Variants in TSNARE1 observed in about 807,000 individuals in gnomAD.
The protein encoded by TSNARE1 is t-SNARE domain-containing protein 1.
In TSNARE1, 49 loss-of-function variants were observed where a neutral mutation model predicts 62.0. The observed-to-expected ratio is 0.79, with a 90% CI of 0.63 to 1.00. The LOEUF (loss-of-function observed/expected upper bound fraction) is 1.00. TSNARE1 is among the 50% of genes least tolerant of loss of function. TSNARE1 has a pLI of 0.00. For missense variants in TSNARE1, 755 were observed against 700.1 expected (o/e 1.08, Z -0.88); for synonymous variants, 328 against 294.4 (o/e 1.11, Z -1.17).
intron 11 of TSNARE1, among the ~76,000 whole-genome samples, chr8:142,279,049 G>T (rs773804624): frequency 2.6e-5 from 4 of 152,246 alleles, no homozygotes; most frequent in African/African-American, 4.8e-5. Flanking sequence ...GCCTTCTCAT[G>T]GTAGCTGTAC....
chr8:142,241,818 C>T (rs1419425422), intron 12 of TSNARE1, among the ~76,000 whole-genome samples: 6 of 150,626 alleles, frequency 4.0e-5, no homozygotes, highest in East Asian at 3.9e-4. Context: ...AGAGTAAAAA[C>T]GGATCTCCAT....
intron 13 of TSNARE1, among the ~76,000 whole-genome samples, chr8:142,213,668 C>G (rs992379235): frequency 2.0e-5 from 3 of 152,128 alleles, no homozygotes; most frequent in Non-Finnish European, 4.4e-5. Flanking sequence ...CCCCTCAGGA[C>G]TTGGTGGCAC....
At chr8:142,387,021 C>T (rs1457081374) in intron 1 of TSNARE1, among the ~76,000 whole-genome samples, 1 of 152,168 alleles carries the variant, frequency 6.6e-6, no homozygotes, top group African/African-American at 2.4e-5. Context: ...TCTTTTCCAG[C>T]CTCAGTGGAA....
At chr8:142,274,475 G>A (rs1820096778) in intron 12 of TSNARE1, 1 of 985,498 alleles carries the variant, frequency 1.0e-6, no homozygotes, top group Non-Finnish European at 1.2e-6. Context: ...AGGAGGTGGA[G>A]CGGGAAGGCC....
chr8:142,301,159 C>A (rs1825695954), intron 9 of TSNARE1, among the ~76,000 whole-genome samples: 1 of 149,724 alleles, frequency 6.7e-6, no homozygotes, highest in Non-Finnish European at 1.5e-5. Flanking sequence ...CACAGTGCCC[C>A]CCACTTGCCC....
At chr8:142,371,199 T>C (rs1204932242) in intron 1 of TSNARE1, among the ~76,000 whole-genome samples, 1 of 152,212 alleles carries the variant, frequency 6.6e-6, no homozygotes, top group African/African-American at 2.4e-5. Flanking sequence ...CACATTGAAC[T>C]GATAGTTAAA....
At chr8:142,384,429 C>T (rs11990697) in intron 1 of TSNARE1, among the ~76,000 whole-genome samples, 30,668 of 152,146 alleles carry the variant, frequency 0.2, 3,206 homozygotes, top group East Asian at 0.28. Context: ...TTTCAAAACA[C>T]GCTACAAAGC....
chr8:142,364,230 T>C (rs1835372076), intron 1 of TSNARE1, among the ~76,000 whole-genome samples: 3 of 152,074 alleles, frequency 2.0e-5, no homozygotes, highest in South Asian at 4.1e-4. Context: ...TGCTGGACCA[T>C]GAGCTACGGA....
chr8:142,350,069 CCA>C lies in TSNARE1; in HGVS notation c.89-4179_89-4178del, dbSNP rs1563967584. Among the ~76,000 whole-genome samples the C allele has an allele frequency of 2.9e-3, 222 of 77,496 alleles. 4 individuals are homozygous for C. The highest frequency in any genetic ancestry group is 0.017 in the African/African-American group (201 of 11,620). 50.8% of individuals were successfully genotyped at this position (77,496 alleles called of 152,430 possible). Reference sequence around the variant, plus strand: ...GGGACCAGGGCAGGCAGGGCTGGGACCAGGGCAGGCAGGGCAGGCAGGGCAGG... The same window carrying C: ...GGGACCAGGGCAGGCAGGGCTGGGACGGGCAGGCAGGGCAGGCAGGGCAGG... On this transcript the variant is annotated intron_variant, in intron 2 of 13. Coordinates refer to ENST00000524325, the MANE Select transcript of TSNARE1 (RefSeq NM_145003.5).
At chr8:142,241,800 C>G (rs1184827849) in intron 12 of TSNARE1, among the ~76,000 whole-genome samples, 1 of 152,194 alleles carries the variant, frequency 6.6e-6, no homozygotes, top group African/African-American at 2.4e-5. Context: ...CGGGTATCTA[C>G]ACACAGAAGA....
intron 4 of TSNARE1, among the ~76,000 whole-genome samples, chr8:142,340,160 C>T (rs1353456640): frequency 2.6e-5 from 4 of 152,148 alleles, no homozygotes; most frequent in African/African-American, 4.8e-5. Context: ...GTGCTCAGGC[C>T]TTGGAAGATG....
At chr8:142,215,131 G>A (rs905379101) in intron 13 of TSNARE1, among the ~76,000 whole-genome samples, 17 of 152,158 alleles carry the variant, frequency 1.1e-4, no homozygotes, top group Admixed American at 9.2e-4. Context: ...GCCAGGGCCC[G>A]CACGGACACC....
At chr8:142,311,458 C>T (rs1048363153) in intron 9 of TSNARE1, among the ~76,000 whole-genome samples, 8 of 151,516 alleles carry the variant, frequency 5.3e-5, no homozygotes, top group African/African-American at 1.2e-4. Flanking sequence ...CCACCACACC[C>T]GGCTAATTTT....
At chr8:142,270,902 T>A in intron 12 of TSNARE1, 1 of 985,510 alleles carries the variant, frequency 1.0e-6, no homozygotes, top group South Asian at 4.7e-5. Flanking sequence ...CTACAGGCAA[T>A]GGCAAGGACG....
At chr8:142,318,688 G>T (rs977762994) in intron 6 of TSNARE1, 54 bp from the exon 7 acceptor site, 13 of 1,582,282 alleles carry the variant, frequency 8.2e-6, no homozygotes, top group Non-Finnish European at 1.0e-5. Flanking sequence ...GCAGCAGAGA[G>T]CAAGGGCCCA....
rs922734425 is a variant in TSNARE1, at chr8:142,284,770, A to G, written c.1291-285T>C. 2.6e-5 allele frequency among the ~76,000 whole-genome samples: 4 copies of G among 152,272 alleles called. No homozygotes were observed. In the East Asian group the frequency reaches 7.7e-4, roughly 29 times the overall value. On this transcript the variant is annotated intron_variant, in intron 10 of 13. Coordinates refer to ENST00000524325, the MANE Select transcript of TSNARE1 (RefSeq NM_145003.5). ...TCTGAAGCCAAACCCCAACCTCTCC[A>G]GGTGTCCTAGGGGCTGTGAGCTGCT...
At chr8:142,259,492 T>A (rs1463677122) in intron 12 of TSNARE1, among the ~76,000 whole-genome samples, 1 of 152,140 alleles carries the variant, frequency 6.6e-6, no homozygotes. Context: ...CATTTACATT[T>A]CTCAGCAGAC....
At chr8:142,313,915 A>G (rs1430872187) in intron 9 of TSNARE1, among the ~76,000 whole-genome samples, 2 of 152,130 alleles carry the variant, frequency 1.3e-5, no homozygotes. Context: ...TGTAGCTGGG[A>G]TGACAGGTGC....
chr8:142,336,585 AG>A (rs1831791208), intron 4 of TSNARE1, among the ~76,000 whole-genome samples: 1 of 152,212 alleles, frequency 6.6e-6, no homozygotes, highest in Non-Finnish European at 1.5e-5. Flanking sequence ...AAAAACTGAT[AG>A]AACTGGAAAG....
Sources: gnomAD v4.1 joint callset for allele counts (sites outside exome capture counted in the v4.1 genomes callset) on GRCh38, gnomAD v4.1.1 for gene constraint, MANE v1.5 for transcripts, NCBI Gene and HGNC (gene_info 2026-07-23, HGNC 2026-07-21) for gene names.